FGF12: variants seen among roughly 807,000 people sequenced by gnomAD.
The protein encoded by FGF12 is fibroblast growth factor 12B.
A neutral mutation model predicts 23.6 loss-of-function variants in FGF12; 14 were observed. That is an observed-to-expected ratio of 0.59 (90% CI 0.39 to 0.93). The LOEUF (loss-of-function observed/expected upper bound fraction) is 0.93, where lower values mean the gene tolerates loss of function less well. Ranked by LOEUF, FGF12 falls within the 40% of genes least tolerant of loss-of-function variation. FGF12 has a pLI of 0.00. For synonymous variants in FGF12, 62 were observed against 77.3 expected, an observed-to-expected ratio of 0.80 and a Z score of 1.04; for missense variants, 175 against 217.8, an observed-to-expected ratio of 0.80 and a Z score of 1.24.
At chr3:192,308,775 T>C (rs77907488) in intron 4 of FGF12, among the ~76,000 whole-genome samples, 12,666 of 152,064 alleles carry the variant, frequency 0.083, 784 homozygotes, top group East Asian at 0.19. Flanking sequence ...CAGCAATCCA[T>C]TTTACTTGAC....
chr3:192,326,582 A>C (rs1716831243), intron 4 of FGF12, among the ~76,000 whole-genome samples: 1 of 152,186 alleles, frequency 6.6e-6, no homozygotes, highest in Admixed American at 6.5e-5. Context: ...ACTTTAAGGG[A>C]GAAATTCCCA....
intron 2 of FGF12, among the ~76,000 whole-genome samples, chr3:192,655,900 A>G (rs1716392650): frequency 6.6e-6 from 1 of 152,092 alleles, no homozygotes; most frequent in African/African-American, 2.4e-5. Flanking sequence ...TGAGGATTTT[A>G]GAGCGAAAGG....
chr3:192,618,699 AG>A (rs1221192827), intron 2 of FGF12, among the ~76,000 whole-genome samples: 1 of 152,136 alleles, frequency 6.6e-6, no homozygotes, highest in Non-Finnish European at 1.5e-5. Context: ...TGAAAAAGAA[AG>A]GTAATAACGC....
chr3:192,232,080 T>A (rs1434200450), intron 4 of FGF12, among the ~76,000 whole-genome samples: 1 of 152,182 alleles, frequency 6.6e-6, no homozygotes, highest in African/African-American at 2.4e-5. Context: ...CAGTAATAAA[T>A]CAAATACACC....
At chr3:192,187,287 G>A (rs541297624) in intron 4 of FGF12, among the ~76,000 whole-genome samples, 20 of 152,150 alleles carry the variant, frequency 1.3e-4, no homozygotes, top group African/African-American at 4.8e-4. Flanking sequence ...CTTTTTTTGA[G>A]CAAAGGCAAA....
chr3:192,471,014 A>C (rs1222577266), intron 2 of FGF12, among the ~76,000 whole-genome samples: 1 of 152,042 alleles, frequency 6.6e-6, no homozygotes, highest in Non-Finnish European at 1.5e-5. Flanking sequence ...TCCCCAGTGC[A>C]GTTTTATTTC....
At chr3:192,717,132 A>G (rs1417583377) in intron 2 of FGF12, among the ~76,000 whole-genome samples, 1 of 152,212 alleles carries the variant, frequency 6.6e-6, no homozygotes, top group Admixed American at 6.5e-5. Flanking sequence ...AAGGTTAATA[A>G]AATCTGTACA....
At chr3:192,644,448 T>C (rs1715926137) in intron 2 of FGF12, among the ~76,000 whole-genome samples, 1 of 152,160 alleles carries the variant, frequency 6.6e-6, no homozygotes, top group South Asian at 2.1e-4. Context: ...TGTTCACTCC[T>C]ATTTTATTGC....
chr3:192,358,481 TG>T (rs1718575531), intron 3 of FGF12, among the ~76,000 whole-genome samples: 1 of 152,052 alleles, frequency 6.6e-6, no homozygotes, highest in Admixed American at 6.6e-5. Context: ...ATGGTGTGTG[TG>T]TGTGTGTATG....
At chr3:192,465,976 T>A (rs1255628774) in intron 2 of FGF12, among the ~76,000 whole-genome samples, 6 of 152,184 alleles carry the variant, frequency 3.9e-5, no homozygotes, top group Non-Finnish European at 8.8e-5. Context: ...ATGCATTGCT[T>A]AATGACTGGA....
chr3:192,329,897 CAT>C (rs1243790478), intron 4 of FGF12, among the ~76,000 whole-genome samples: 1 of 152,086 alleles, frequency 6.6e-6, no homozygotes, highest in Non-Finnish European at 1.5e-5. Flanking sequence ...GTTTCAGAAA[CAT>C]AAGTTTCCAA....
intron 4 of FGF12, among the ~76,000 whole-genome samples, chr3:192,320,312 C>A (rs547811112): frequency 1.6e-4 from 25 of 152,142 alleles, no homozygotes; most frequent in African/African-American, 6.0e-4. Flanking sequence ...TATAAATGCA[C>A]CCAACACTGA....
At chr3:192,686,794 A>G (rs1281444419) in intron 2 of FGF12, among the ~76,000 whole-genome samples, 1 of 151,374 alleles carries the variant, frequency 6.6e-6, no homozygotes, top group Non-Finnish European at 1.5e-5. Flanking sequence ...TACAAAAAAA[A>G]GACAATGACT....
intron 2 of FGF12, among the ~76,000 whole-genome samples, chr3:192,659,216 AAG>A (rs1456654617): frequency 6.6e-6 from 1 of 152,232 alleles, no homozygotes; most frequent in Non-Finnish European, 1.5e-5. Context: ...CATAAAAATA[AAG>A]TGTTGATACA....
At chr3:192,588,416 A>G (rs1412352310) in intron 2 of FGF12, among the ~76,000 whole-genome samples, 1 of 151,396 alleles carries the variant, frequency 6.6e-6, no homozygotes, top group Admixed American at 6.6e-5. Context: ...ATTAAATAAA[A>G]TTAAAACAGT....
chr3:192,615,114 G>T (rs1009346603), intron 2 of FGF12, among the ~76,000 whole-genome samples: 1 of 151,844 alleles, frequency 6.6e-6, no homozygotes, highest in African/African-American at 2.4e-5. Context: ...TGGGACAGCC[G>T]CCATCTTTTG....
In FGF12 at chr3:192,303,452, C is replaced by G. The variant is rs536769857; in HGVS notation, c.228+31909G>C. Among the ~76,000 whole-genome samples the G allele has an allele frequency of 2.6e-4, 39 of 152,266 alleles. No homozygotes were observed. In the South Asian group the frequency reaches 8.1e-3, roughly 32 times the overall value. ...AGCAACAGATGGAGCCAATCAAAAG[C>G]CAGCAGCAGTGATCCTTGCTGTTAA... is the stretch of plus-strand genomic sequence containing the variant. On this transcript the variant is annotated intron_variant, in intron 4 of 5. Transcript: ENST00000445105.
chr3:192,600,282 T>C (rs1714059968), intron 2 of FGF12, among the ~76,000 whole-genome samples: 1 of 152,116 alleles, frequency 6.6e-6, no homozygotes, highest in East Asian at 1.9e-4. Context: ...CATGCTATTT[T>C]AGTTACTACA....
chr3:192,332,382 A>G (rs1426145633), intron 4 of FGF12, among the ~76,000 whole-genome samples: 1 of 152,154 alleles, frequency 6.6e-6, no homozygotes, highest in Non-Finnish European at 1.5e-5. Context: ...ATGTGAATAA[A>G]GCAACAGAAT....
Sources: allele counts gnomAD v4.1 joint callset (sites outside exome capture counted in the v4.1 genomes callset), GRCh38; gene constraint gnomAD v4.1.1; transcripts MANE v1.5; gene names NCBI Gene and HGNC (gene_info 2026-07-23, HGNC 2026-07-21).